Variants in SAMD4A observed in about 807,000 individuals in gnomAD.
SAMD4A encodes sterile alpha motif domain containing 4A.
In SAMD4A, 33 loss-of-function variants were observed where a neutral mutation model predicts 81.3. That is an observed-to-expected ratio of 0.41 (90% CI 0.31 to 0.54). The LOEUF (loss-of-function observed/expected upper bound fraction) is 0.54, where lower values mean the gene tolerates loss of function less well. SAMD4A is among the 20% of genes least tolerant of loss of function. SAMD4A has a pLI of 0.37. For missense variants in SAMD4A, 854 were observed against 951.1 expected (o/e 0.90, Z 1.34); for synonymous variants, 389 against 382.1 (o/e 1.02, Z -0.21).
At chr14:54,655,588 A>G (rs960919779) in intron 2 of SAMD4A, among the ~76,000 whole-genome samples, 2 of 146,788 alleles carry the variant, frequency 1.4e-5, no homozygotes, top group Non-Finnish European at 3.0e-5. Flanking sequence ...AAAAAAAAAA[A>G]TTAGCCGGGC....
chr14:54,695,205 G>A lies in SAMD4A; in HGVS notation c.197-6857G>A, dbSNP rs1410239118. ...GTAACAAACTACCCTAAAACTTAAT[G>A]ACTTAACATAACAACAAGTTATCTC... On this transcript the variant is annotated intron_variant, in intron 2 of 12. Transcript: ENST00000554335. 3.3e-5 allele frequency among the ~76,000 whole-genome samples: 5 copies of A among 152,166 alleles called. No homozygotes were observed. In the South Asian group the frequency reaches 1.0e-3, roughly 32 times the overall value.
intron 2 of SAMD4A, among the ~76,000 whole-genome samples, chr14:54,588,084 A>C (rs2033674593): frequency 6.6e-6 from 1 of 152,000 alleles, no homozygotes; most frequent in Non-Finnish European, 1.5e-5. Context: ...GTCTGTTCAG[A>C]GATTCTGTGT....
At chr14:54,577,557 T>C (rs1178240097) in intron 2 of SAMD4A, among the ~76,000 whole-genome samples, 1 of 152,228 alleles carries the variant, frequency 6.6e-6, no homozygotes, top group Non-Finnish European at 1.5e-5. Context: ...AGTGCTTCAA[T>C]AGCATGCATA....
chr14:54,774,870 C>G (rs968677669), intron 9 of SAMD4A, 64 bp from the exon 10 acceptor site: 8 of 1,533,050 alleles, frequency 5.2e-6, no homozygotes, highest in African/African-American at 1.4e-5. Context: ...CCTTGGGAAG[C>G]CTGTGGCTTA....
intron 2 of SAMD4A, among the ~76,000 whole-genome samples, chr14:54,627,725 A>G (rs972698494): frequency 1.3e-4 from 20 of 152,222 alleles, no homozygotes; most frequent in African/African-American, 4.6e-4. Context: ...GAGATGAGAA[A>G]GCCGAAGCTT....
intron 3 of SAMD4A, among the ~76,000 whole-genome samples, chr14:54,721,912 C>T (rs2037271717): frequency 1.3e-5 from 2 of 152,068 alleles, no homozygotes; most frequent in African/African-American, 4.8e-5. Flanking sequence ...TGTGAAAATG[C>T]CCAGTCTTTT....
chr14:54,706,075 C>T (rs2036843849), intron 3 of SAMD4A, among the ~76,000 whole-genome samples: 2 of 152,042 alleles, frequency 1.3e-5, no homozygotes, highest in Non-Finnish European at 2.9e-5. Flanking sequence ...GGGCCAGGTA[C>T]AGTGGCTCAT....
chr14:54,742,056 C>T lies in SAMD4A; in HGVS notation c.979+4769C>T, dbSNP rs147275570. Among the ~76,000 whole-genome samples, 359 of 151,994 alleles carry T rather than the reference C, an allele frequency of 2.4e-3. 1 individual carries two copies. The highest frequency in any genetic ancestry group is 7.8e-3 in the African/African-American group (322 of 41,430). On this transcript the variant is annotated intron_variant, in intron 4 of 12. Transcript: ENST00000554335. ...GCAGAGTGGAATATACATCAAAGTG[C>T]GGAAGGGACAGAGGATTCCAGATTT...
upstream of SAMD4A, among the ~76,000 whole-genome samples, chr14:54,565,461 C>G (rs1021080987): frequency 2.6e-5 from 4 of 152,238 alleles, no homozygotes; most frequent in Non-Finnish European, 5.9e-5. The surrounding 1 kb of genome is among the most constrained non-coding windows in gnomAD (Gnocchi z 5.4). Flanking sequence ...GGCACCCGAC[C>G]CGGGCCAGGC....
chr14:54,587,708 A>G (rs539575477), intron 2 of SAMD4A, among the ~76,000 whole-genome samples: 1 of 152,316 alleles, frequency 6.6e-6, no homozygotes, highest in South Asian at 2.1e-4. Context: ...TACATATGTT[A>G]AATCATCCCT....
chr14:54,588,182 CATA>C (rs1465965908), intron 2 of SAMD4A, among the ~76,000 whole-genome samples: 1 of 152,006 alleles, frequency 6.6e-6, no homozygotes, highest in East Asian at 1.9e-4. Context: ...TAAAGGTGTT[CATA>C]ACCTTGAATA....
In SAMD4A at chr14:54,775,044, C is replaced by G; in HGVS notation, c.1826C>G (p.Ala609Gly). Residue 609 changes from alanine to glycine, a missense_variant, in exon 10 of 13, where the codon GCC becomes GGC. Transcript: ENST00000554335. Reference protein sequence around the residue: ...YQIPSRNVPSARLGLLGTSGF... With the variant: ...YQIPSRNVPSGRLGLLGTSGF... Reference sequence around the variant, plus strand: ...ATCCCCTCTCGGAACGTCCCTTCCGCCCGCCTGGGCCTCTTGGGCACCAGT... The same window carrying G: ...ATCCCCTCTCGGAACGTCCCTTCCGGCCGCCTGGGCCTCTTGGGCACCAGT... The G allele has an allele frequency of 6.2e-7, 1 of 1,614,220 alleles. No individual in the cohort carries two copies. The highest frequency in any genetic ancestry group is 8.5e-7 in the Non-Finnish European group (1 of 1,180,046).
At chr14:54,776,811 A>G (rs1037088576) in intron 11 of SAMD4A, among the ~76,000 whole-genome samples, 7 of 152,090 alleles carry the variant, frequency 4.6e-5, no homozygotes, top group African/African-American at 1.7e-4. Flanking sequence ...CAGAGATAGC[A>G]CAAGAGGGCT....
At chr14:54,675,406 A>G (rs936799891) in intron 2 of SAMD4A, among the ~76,000 whole-genome samples, 1 of 148,914 alleles carries the variant, frequency 6.7e-6, no homozygotes, top group African/African-American at 2.5e-5. Flanking sequence ...ATCCCCTACC[A>G]TGGAGAGCAG....
chr14:54,685,694 A>G, intron 2 of SAMD4A: 1 of 456,692 alleles, frequency 2.2e-6, no homozygotes. Context: ...AGTGGTGGAA[A>G]GGCTCCCCAT....
rs113464820 is a variant in SAMD4A, at chr14:54,728,539, G to C, written c.716-8485G>C. ...AATTAGTAGTGTAAACTCAAATTCT[G>C]GTTTTTTTTTTGAATGGTCATTTAT... On this transcript the variant is annotated intron_variant, in intron 3 of 12. Transcript: ENST00000554335. Among the ~76,000 whole-genome samples, 451 of 151,892 alleles carry C rather than the reference G, an allele frequency of 3.0e-3. 3 individuals are homozygous for C. The highest frequency in any genetic ancestry group is 9.4e-3 in the African/African-American group (390 of 41,354).
chr14:54,629,064 G>A (rs1226226336), intron 2 of SAMD4A, among the ~76,000 whole-genome samples: 1 of 142,550 alleles, frequency 7.0e-6, no homozygotes, highest in East Asian at 2.1e-4. Context: ...AAGTTATGAC[G>A]TGATGGTGGG....
chr14:54,733,600 C>G (rs1204960212), intron 3 of SAMD4A, among the ~76,000 whole-genome samples: 1 of 152,108 alleles, frequency 6.6e-6, no homozygotes, highest in African/African-American at 2.4e-5. Context: ...TTGCCAATTT[C>G]TAATCTAGGT....
At chr14:54,566,031 G>C (rs1167446885), upstream of SAMD4A, among the ~76,000 whole-genome samples, 1 of 151,932 alleles carries the variant, frequency 6.6e-6, no homozygotes, top group Non-Finnish European at 1.5e-5. Flanking sequence ...CCCCCCGCTC[G>C]GGCGCTCCCT....
Sources: gnomAD v4.1 joint callset for allele counts (sites outside exome capture counted in the v4.1 genomes callset) on GRCh38, gnomAD v4.1.1 for gene constraint, Gnocchi (gnomAD v3.1) non-coding constraint, MANE v1.5 for transcripts, NCBI Gene and HGNC (gene_info 2026-07-23, HGNC 2026-07-21) for gene names.